The following HPSE2 variants were observed in gnomAD, a reference collection of about 807,000 sequenced individuals.
The protein encoded by HPSE2 is heparanase 2 (inactive).
A neutral mutation model predicts 60.5 loss-of-function variants in HPSE2; 38 were observed. The ratio of observed to expected loss-of-function variants is 0.63; its 90% CI spans 0.48 to 0.82. The LOEUF (loss-of-function observed/expected upper bound fraction) is 0.82, where lower values mean the gene tolerates loss of function less well. Ranked by LOEUF, HPSE2 falls within the 40% of genes least tolerant of loss-of-function variation. The pLI is 0.00. For missense variants in HPSE2, 713 were observed against 740.4 expected, an observed-to-expected ratio of 0.96 and a Z score of 0.43; for synonymous variants, 295 against 293.2, an observed-to-expected ratio of 1.01 and a Z score of -0.06.
intron 2 of HPSE2, among the ~76,000 whole-genome samples, chr10:99,225,859 C>T (rs1420393273): frequency 2.6e-5 from 4 of 152,024 alleles, no homozygotes; most frequent in African/African-American, 9.7e-5. Flanking sequence ...CACACATGTA[C>T]TTTCTTTTTC....
chr10:98,468,888 T>A (rs1400851102), intron 11 of HPSE2, among the ~76,000 whole-genome samples: 1 of 152,236 alleles, frequency 6.6e-6, no homozygotes, highest in East Asian at 1.9e-4. Flanking sequence ...CCCTAAGACA[T>A]TTTGAGGCTG....
chr10:99,207,932 A>G (rs1848816626), intron 2 of HPSE2, among the ~76,000 whole-genome samples: 1 of 151,350 alleles, frequency 6.6e-6, no homozygotes. Flanking sequence ...GATAAAGTTT[A>G]ATTTATAAAT....
chr10:98,793,397 G>A (rs1175035477), intron 3 of HPSE2, among the ~76,000 whole-genome samples: 1 of 152,140 alleles, frequency 6.6e-6, no homozygotes, highest in East Asian at 1.9e-4. Context: ...TCCAACAACT[G>A]ATTTCTTTGC....
intron 4 of HPSE2, among the ~76,000 whole-genome samples, chr10:98,741,328 C>T (rs921985906): frequency 6.6e-5 from 10 of 151,702 alleles, no homozygotes; most frequent in Non-Finnish European, 1.5e-4. Context: ...TGTTGTTAAC[C>T]CCTGAGGAGG....
intron 9 of HPSE2, among the ~76,000 whole-genome samples, chr10:98,614,113 T>C (rs1306862822): frequency 1.3e-5 from 2 of 152,188 alleles, no homozygotes; most frequent in Non-Finnish European, 2.9e-5. Context: ...CCTCAAGAGA[T>C]GGGTTCCTAG....
At chr10:98,485,813 G>A (rs1941418573) in intron 10 of HPSE2, among the ~76,000 whole-genome samples, 2 of 152,228 alleles carry the variant, frequency 1.3e-5, no homozygotes, top group South Asian at 4.1e-4. Context: ...CAGTGGAGGA[G>A]GAGAGAGCCA....
the HPSE2 span, among the ~76,000 whole-genome samples, chr10:99,255,563 TACAC>T: frequency 0.011 from 1,567 of 147,412 alleles, 18 homozygotes; most frequent in African/African-American, 0.029. Context: ...CATGCACACA[TACAC>T]ACACACACAC....
intron 3 of HPSE2, among the ~76,000 whole-genome samples, chr10:98,898,506 A>G (rs1953563645): frequency 6.6e-6 from 1 of 152,198 alleles, no homozygotes; most frequent in South Asian, 2.1e-4. Flanking sequence ...TTCCAAATAT[A>G]TGACATTCTG....
intron 9 of HPSE2, among the ~76,000 whole-genome samples, chr10:98,512,003 C>T (rs1478283245): frequency 2.6e-5 from 4 of 152,170 alleles, no homozygotes; most frequent in Non-Finnish European, 5.9e-5. Context: ...AAACCAGTAG[C>T]TACTCTTCAT....
intron 3 of HPSE2, among the ~76,000 whole-genome samples, chr10:99,091,392 G>C (rs1843507866): frequency 6.6e-6 from 1 of 152,072 alleles, no homozygotes; most frequent in African/African-American, 2.4e-5. Flanking sequence ...CCACTTAGTT[G>C]GTACCTGCAG....
intron 3 of HPSE2, among the ~76,000 whole-genome samples, chr10:98,908,218 T>A (rs1226114968): frequency 6.6e-6 from 1 of 152,136 alleles, no homozygotes; most frequent in Admixed American, 6.5e-5. Context: ...CCCAAAGAAG[T>A]TAAGCAAAAT....
At position 98,536,301 on chromosome 10, in the gene HPSE2, C is replaced by G. The variant is rs575356446; in HGVS notation, c.1321-46105G>C. On this transcript the variant is annotated intron_variant, in intron 9 of 11. Transcript: ENST00000370552. ...GAAAGGATATTCTCAGTTTATTATT[C>G]GAAAGATCATTTCAGACACAACTAT... Among the ~76,000 whole-genome samples the G allele has an allele frequency of 3.9e-4, 60 of 152,246 alleles. 1 individual carries two copies. The highest frequency in any genetic ancestry group is 1.7e-3 in the Admixed American group (26 of 15,290).
intron 9 of HPSE2, among the ~76,000 whole-genome samples, chr10:98,520,065 A>T (rs1942736249): frequency 6.6e-6 from 1 of 152,184 alleles, no homozygotes; most frequent in Non-Finnish European, 1.5e-5. Flanking sequence ...GGAGACTTTA[A>T]AAAAAGCATT....
At chr10:99,152,630 AGTT>A (rs1846318922) in intron 2 of HPSE2, among the ~76,000 whole-genome samples, 1 of 152,232 alleles carries the variant, frequency 6.6e-6, no homozygotes, top group South Asian at 2.1e-4. Context: ...ATTTGAGTAA[AGTT>A]GTTGTAATTT....
At chr10:98,615,621 G>GT (rs1238032946) in intron 8 of HPSE2, among the ~76,000 whole-genome samples, 1 of 152,082 alleles carries the variant, frequency 6.6e-6, no homozygotes. Context: ...ATTTTGCAGT[G>GT]GAGGACCTGC....
chr10:98,731,290 C>CAAT (rs1949222415), intron 4 of HPSE2, among the ~76,000 whole-genome samples: 1 of 151,876 alleles, frequency 6.6e-6, no homozygotes, highest in South Asian at 2.1e-4. Flanking sequence ...AAAACAACAA[C>CAAT]AACAACAACA....
rs377128787 is a variant in HPSE2, at chr10:98,963,542, T to C, written c.610+180696A>G. Among the ~76,000 whole-genome samples the C allele has an allele frequency of 5.3e-5, 8 of 152,294 alleles. No individual in the cohort carries two copies. In the East Asian group the frequency reaches 1.4e-3, roughly 26 times the overall value. On this transcript the variant is annotated intron_variant, in intron 3 of 11. Coordinates refer to ENST00000370552, the MANE Select transcript of HPSE2 (RefSeq NM_021828.5). ...AATAGTGTTTCTGGCTTTCATTTTC[T>C]TACTCATCCCCACATACACTCTTGT...
chr10:98,738,348 C>T (rs1047026538), intron 4 of HPSE2, among the ~76,000 whole-genome samples: 7 of 152,110 alleles, frequency 4.6e-5, no homozygotes, highest in African/African-American at 1.4e-4. Flanking sequence ...AAGAGTTAAA[C>T]GTAAGACCTA....
At chr10:98,780,803 G>A (rs1175701419) in intron 3 of HPSE2, among the ~76,000 whole-genome samples, 2 of 152,112 alleles carry the variant, frequency 1.3e-5, no homozygotes, top group African/African-American at 4.8e-5. Context: ...TGACTCAAAT[G>A]TCACTTTTTC....
Sources: gnomAD v4.1 joint callset for allele counts (sites outside exome capture counted in the v4.1 genomes callset) on GRCh38, gnomAD v4.1.1 for gene constraint, MANE v1.5 for transcripts, NCBI Gene and HGNC (gene_info 2026-07-23, HGNC 2026-07-21) for gene names.